Variants in RAB3GAP1 observed in about 807,000 individuals in gnomAD.
RAB3GAP1 encodes the protein rab3 GTPase-activating protein catalytic subunit.
Under a neutral mutation model 130.7 loss-of-function variants are expected in RAB3GAP1, and 86 were observed. That is an observed-to-expected ratio of 0.66 (90% confidence interval 0.55 to 0.79). The LOEUF (loss-of-function observed/expected upper bound fraction) is 0.79, where lower values mean the gene tolerates loss of function less well. RAB3GAP1 is among the 30% of genes least tolerant of loss of function. The pLI is 0.00. For missense variants in RAB3GAP1, 1,029 were observed against 1,169.4 expected (o/e 0.88, Z 1.75); for synonymous variants, 367 against 401.7 (o/e 0.91, Z 1.03).
At chr2:135,105,092 G>A (rs1367716886) in intron 5 of RAB3GAP1, among the ~76,000 whole-genome samples, 1 of 152,146 alleles carries the variant, frequency 6.6e-6, no homozygotes, top group Non-Finnish European at 1.5e-5. Context: ...GAGATCTGTG[G>A]GTCAGTGTCA....
At chr2:135,098,721 CAGTTTTCAGCACAA>C (rs1401355149) in intron 5 of RAB3GAP1, among the ~76,000 whole-genome samples, 2 of 152,138 alleles carry the variant, frequency 1.3e-5, no homozygotes, top group Non-Finnish European at 2.9e-5. Flanking sequence ...CAGTGTCTTA[CAGTTTTCAGCACAA>C]AGATCCTGTA....
intron 11 of RAB3GAP1, among the ~76,000 whole-genome samples, chr2:135,128,619 A>G (rs1691422264): frequency 6.6e-6 from 1 of 152,182 alleles, no homozygotes; most frequent in Non-Finnish European, 1.5e-5. Context: ...ATTTTAGTTT[A>G]ACGTTCCATG....
chr2:135,054,193 A>G (rs1340468992), intron 2 of RAB3GAP1, among the ~76,000 whole-genome samples: 1 of 152,200 alleles, frequency 6.6e-6, no homozygotes, highest in Non-Finnish European at 1.5e-5. Flanking sequence ...CCCCATCCTC[A>G]GAGTTTCTGA....
intron 3 of RAB3GAP1, among the ~76,000 whole-genome samples, chr2:135,060,104 T>TGTA (rs1212263440): frequency 6.6e-6 from 1 of 152,180 alleles, no homozygotes; most frequent in Non-Finnish European, 1.5e-5. Flanking sequence ...TGAACTCCCA[T>TGTA]GTACCCATCA....
intron 17 of RAB3GAP1, among the ~76,000 whole-genome samples, chr2:135,141,193 T>G (rs965208070): frequency 6.6e-6 from 1 of 151,924 alleles, no homozygotes; most frequent in African/African-American, 2.4e-5. Context: ...ATACTTGTAT[T>G]GCAAATATTT....
intron 3 of RAB3GAP1, chr2:135,089,648 C>A: frequency 5.8e-6 from 1 of 173,910 alleles, no homozygotes; most frequent in Non-Finnish European, 1.3e-5. Flanking sequence ...ATGTTTATTG[C>A]AGCACTGTTC....
chr2:135,130,217 C>T, intron 12 of RAB3GAP1, 130 bp downstream of exon 12: 1 of 778,772 alleles, frequency 1.3e-6, no homozygotes, highest in Non-Finnish European at 2.2e-6. Flanking sequence ...ATGGACTAGA[C>T]AGCTACAGTT....
intron 10 of RAB3GAP1, 50 bp downstream of exon 10, chr2:135,126,299 A>T (rs549163455): frequency 7.4e-7 from 1 of 1,345,344 alleles, no homozygotes; most frequent in African/African-American, 1.5e-5. Flanking sequence ...ACTTCAGTAG[A>T]ATAACTCTCA....
At chr2:135,059,232 T>C (rs963380965) in intron 3 of RAB3GAP1, among the ~76,000 whole-genome samples, 1 of 152,110 alleles carries the variant, frequency 6.6e-6, no homozygotes, top group Non-Finnish European at 1.5e-5. Context: ...TTGAAACAAA[T>C]ACATAACAAT....
At chr2:135,066,147 A>G (rs1689317561) in intron 3 of RAB3GAP1, among the ~76,000 whole-genome samples, 1 of 152,150 alleles carries the variant, frequency 6.6e-6, no homozygotes, top group Admixed American at 6.6e-5. Context: ...AGGTATAAAC[A>G]AGTGCCTGTT....
intron 13 of RAB3GAP1, 146 bp downstream of exon 13, chr2:135,130,867 T>C: frequency 1.3e-6 from 1 of 767,838 alleles, no homozygotes; most frequent in Non-Finnish European, 2.1e-6. Context: ...ACTAGTTTAG[T>C]GGTGAGAAGG....
intron 11 of RAB3GAP1, among the ~76,000 whole-genome samples, chr2:135,129,416 C>T (rs186843525): frequency 6.7e-6 from 1 of 150,112 alleles, no homozygotes; most frequent in Admixed American, 6.6e-5. Context: ...TGCGCCACTG[C>T]ACTCCAGCCT....
chr2:135,104,370 CAG>C (rs1176252750), intron 5 of RAB3GAP1, among the ~76,000 whole-genome samples: 9 of 151,964 alleles, frequency 5.9e-5, no homozygotes, highest in Admixed American at 5.9e-4. Flanking sequence ...TACAATGAAA[CAG>C]AAAAGTGTGA....
chr2:135,110,682 A>T (rs1402519551), intron 5 of RAB3GAP1, among the ~76,000 whole-genome samples: 1 of 152,232 alleles, frequency 6.6e-6, no homozygotes, highest in East Asian at 1.9e-4. Context: ...TTTATCCAGC[A>T]ACCACTAGAA....
chr2:135,123,932 G>A (rs1441092984), intron 8 of RAB3GAP1: 2 of 505,028 alleles, frequency 4.0e-6, no homozygotes, highest in African/African-American at 1.9e-5. Flanking sequence ...AGAATACCTG[G>A]CCTGAATGAA....
intron 19 of RAB3GAP1, 24 bp downstream of exon 19, chr2:135,153,900 T>C: frequency 6.3e-7 from 1 of 1,591,950 alleles, no homozygotes; most frequent in Non-Finnish European, 8.6e-7. Context: ...GAGTCTCTAA[T>C]ACTAGAATGC....
intron 5 of RAB3GAP1, among the ~76,000 whole-genome samples, chr2:135,103,727 C>G (rs72978344): frequency 0.15 from 22,726 of 151,814 alleles, 3,194 homozygotes; most frequent in African/African-American, 0.37. Context: ...TCTTTGTTGG[C>G]GGGGGAGGGA....
chr2:135,081,173 G>C (rs966183244), intron 3 of RAB3GAP1, among the ~76,000 whole-genome samples: 4 of 150,554 alleles, frequency 2.7e-5, no homozygotes, highest in Admixed American at 1.3e-4. Flanking sequence ...CGGGCGTGGT[G>C]GTGGGTGCCT....
At chr2:135,104,980 A>G (rs1380215668) in intron 5 of RAB3GAP1, among the ~76,000 whole-genome samples, 1 of 152,168 alleles carries the variant, frequency 6.6e-6, no homozygotes, top group Admixed American at 6.5e-5. Context: ...TCAAAAGCAG[A>G]TCTGAGATGA....
Sources: allele counts gnomAD v4.1 joint callset (sites outside exome capture counted in the v4.1 genomes callset), GRCh38; gene constraint gnomAD v4.1.1; transcripts MANE v1.5; gene names NCBI Gene and HGNC (gene_info 2026-07-23, HGNC 2026-07-21).